ANAPC1: variants seen among roughly 807,000 people sequenced by gnomAD.
The protein encoded by ANAPC1 is anaphase promoting complex subunit 1, also known as anaphase-promoting complex subunit 1.
A neutral mutation model predicts 208.0 loss-of-function variants in ANAPC1; 36 were observed. The ratio of observed to expected loss-of-function variants is 0.17; its 90% CI spans 0.13 to 0.23. ANAPC1 has a LOEUF of 0.23. Ranked by LOEUF, ANAPC1 falls within the 10% of genes least tolerant of loss-of-function variation. The probability of loss-of-function intolerance (pLI) is 1.00; values close to 1 mark genes in which losing one functional copy is unlikely to be tolerated. For synonymous variants in ANAPC1, 378 were observed against 695.2 expected, an observed-to-expected ratio of 0.54 and a Z score of 7.18; for missense variants, 942 against 2,011.6, an observed-to-expected ratio of 0.47 and a Z score of 10.17.
intron 6 of ANAPC1, among the ~76,000 whole-genome samples, chr2:111,868,679 C>T (rs544919089): frequency 3.3e-5 from 5 of 152,052 alleles, no homozygotes; most frequent in African/African-American, 1.2e-4. Context: ...TACAGGCACA[C>T]GCCACCACGC....
At chr2:111,838,085 C>CAAAAAAAAAA (rs57089465) in intron 18 of ANAPC1, among the ~76,000 whole-genome samples, 1 of 103,508 alleles carries the variant, frequency 9.7e-6, no homozygotes, top group Non-Finnish European at 2.1e-5. Flanking sequence ...TACTCCGTCT[C>CAAAAAAAAAA]AAAAAAAAAA....
At position 111,831,826 on chromosome 2, in the gene ANAPC1, CAAAAAAA is replaced by C. The variant is rs34008628; in HGVS notation, c.2477-399_2477-393del. 2.4e-4 allele frequency among the ~76,000 whole-genome samples: 7 copies of C among 29,022 alleles called. No homozygotes were observed. The South Asian group carries it at 0.01, about 43-fold the overall frequency. 19.0% of individuals were successfully genotyped at this position (29,022 alleles called of 152,430 possible). Reference sequence around the variant, plus strand: ...TAAGAGACAGAGCGAGACTCTGTCTCAAAAAAAAAAAAAAAAAAAAGAATAACGTTTT... The same window carrying C: ...TAAGAGACAGAGCGAGACTCTGTCTCAAAAAAAAAAAAAGAATAACGTTTT... On this transcript the variant is annotated intron_variant, in intron 20 of 47. Transcript: ENST00000341068.
At chr2:111,810,307 G>GC (rs201578686) in intron 28 of ANAPC1, among the ~76,000 whole-genome samples, 1 of 149,192 alleles carries the variant, frequency 6.7e-6, no homozygotes, top group Non-Finnish European at 1.5e-5. Flanking sequence ...GAAGGTGGGG[G>GC]GGGGTGAGGT....
downstream of ANAPC1, chr2:111,766,979 T>A (rs1259182803): frequency 2.1e-6 from 1 of 470,662 alleles, no homozygotes; most frequent in East Asian, 7.0e-5. Context: ...AGTCTCCTGC[T>A]AGGTCCTTCA....
intron 13 of ANAPC1, among the ~76,000 whole-genome samples, chr2:111,853,082 A>G (rs543055294): frequency 6.6e-6 from 1 of 152,332 alleles, no homozygotes; most frequent in African/African-American, 2.4e-5. Context: ...TAAAATACTC[A>G]AGGGTGCCTT....
intron 34 of ANAPC1, among the ~76,000 whole-genome samples, chr2:111,795,961 A>AC (rs1242060415): frequency 2.7e-5 from 4 of 148,080 alleles, no homozygotes; most frequent in Non-Finnish European, 6.0e-5. Context: ...ATATTGGCCG[A>AC]ACACAGTGGC....
Position 111,873,423 on chromosome 2 carries a change from T to C in ANAPC1, c.428-15A>G, listed in dbSNP as rs1682864688. ...TTCATTGCTACCTGAAAAGAAAGGG[T>C]ACAACAAGACTTATGTGTTTTTTCC... On this transcript the variant is annotated splice_polypyrimidine_tract_variant and intron_variant, in intron 4 of 47. Coordinates refer to ENST00000341068, the MANE Select transcript of ANAPC1 (RefSeq NM_022662.4). 1 of 1,599,400 alleles carries C rather than the reference T, an allele frequency of 6.3e-7. No individual in the cohort carries two copies. Among genetic ancestry groups the C allele is most frequent in the Non-Finnish European group, 8.5e-7 (1 of 1,175,116 alleles).
At chr2:111,850,440 C>T (rs1254502184) in intron 14 of ANAPC1, among the ~76,000 whole-genome samples, 2 of 152,080 alleles carry the variant, frequency 1.3e-5, no homozygotes, top group Non-Finnish European at 2.9e-5. Flanking sequence ...TGTTATCTTC[C>T]CATCAGTCAA....
chr2:111,870,449 T>G (rs994971843), intron 6 of ANAPC1, among the ~76,000 whole-genome samples: 2 of 152,236 alleles, frequency 1.3e-5, no homozygotes, highest in Admixed American at 6.5e-5. Context: ...TGGTTTTAAT[T>G]TGTGTTTCTC....
At chr2:111,863,324 C>T (rs1206202401) in intron 9 of ANAPC1, among the ~76,000 whole-genome samples, 5 of 150,516 alleles carry the variant, frequency 3.3e-5, no homozygotes, top group African/African-American at 4.9e-5. Flanking sequence ...CTGGCTAACA[C>T]GGTGAAACCC....
At position 111,834,415 on chromosome 2, in the gene ANAPC1, A is replaced by ATAAAAATCCC. The variant is rs1474917348; in HGVS notation, c.2384+188_2384+189insGGGATTTTTA. ...CAGGACAAAGACTAAAAATCCCTGC[A>ATAAAAATCCC]TGGCTCACAGGCCCTTACAAAACCA... On this transcript the variant is annotated intron_variant, in intron 19 of 47. Coordinates refer to ENST00000341068, the MANE Select transcript of ANAPC1 (RefSeq NM_022662.4). Among the ~76,000 whole-genome samples, 1,171 of 152,158 alleles carry ATAAAAATCCC rather than the reference A, an allele frequency of 7.7e-3. 13 individuals are homozygous for ATAAAAATCCC. The highest frequency in any genetic ancestry group is 0.027 in the African/African-American group (1,104 of 41,532).
chr2:111,849,123 T>C (rs1308117412), intron 14 of ANAPC1, among the ~76,000 whole-genome samples: 1 of 152,242 alleles, frequency 6.6e-6, no homozygotes, highest in Non-Finnish European at 1.5e-5. Flanking sequence ...ATTTACTCTA[T>C]TCCAGATTCT....
intron 25 of ANAPC1, 37 bp from the exon 26 acceptor site, chr2:111,821,490 A>T: frequency 1.4e-6 from 2 of 1,416,778 alleles, no homozygotes; most frequent in Non-Finnish European, 2.0e-6. Context: ...TAATTTCAAA[A>T]GCAGTTAACA....
intron 16 of ANAPC1, among the ~76,000 whole-genome samples, chr2:111,845,976 CAAAAAA>C (rs34090398): frequency 2.0e-5 from 2 of 101,272 alleles, no homozygotes; most frequent in Admixed American, 1.2e-4. Flanking sequence ...GACTCCGTCT[CAAAAAA>C]AAAAAAAAAA....
chr2:111,883,554 C>T (rs1683437596), intron 1 of ANAPC1, among the ~76,000 whole-genome samples: 1 of 151,734 alleles, frequency 6.6e-6, no homozygotes, highest in Admixed American at 6.6e-5. Flanking sequence ...AAAAAGAGAC[C>T]CAAATGCACA....
At chr2:111,877,343 A>G (rs999991464) in intron 3 of ANAPC1, among the ~76,000 whole-genome samples, 1 of 152,152 alleles carries the variant, frequency 6.6e-6, no homozygotes, top group African/African-American at 2.4e-5. Flanking sequence ...AATGTAGAAC[A>G]GTCCCCACCT....
intron 13 of ANAPC1, among the ~76,000 whole-genome samples, chr2:111,852,675 A>G (rs995300563): frequency 9.9e-5 from 15 of 152,158 alleles, no homozygotes; most frequent in African/African-American, 3.1e-4. Flanking sequence ...CCATGACCAA[A>G]TCTGGCTCGT....
chr2:111,870,951 T>C (rs1321742349), intron 6 of ANAPC1, among the ~76,000 whole-genome samples: 1 of 145,334 alleles, frequency 6.9e-6, no homozygotes, highest in Non-Finnish European at 1.6e-5. Flanking sequence ...TAGGATGCCT[T>C]TCCCCCAATT....
At chr2:111,794,535 A>T (rs1273718710) in intron 35 of ANAPC1, among the ~76,000 whole-genome samples, 3 of 152,032 alleles carry the variant, frequency 2.0e-5, no homozygotes, top group Non-Finnish European at 4.4e-5. Flanking sequence ...CTACAGTTTC[A>T]TATGCAGCAA....
Sources: gnomAD v4.1 joint callset for allele counts (sites outside exome capture counted in the v4.1 genomes callset) on GRCh38, gnomAD v4.1.1 for gene constraint, MANE v1.5 for transcripts, NCBI Gene and HGNC (gene_info 2026-07-23, HGNC 2026-07-21) for gene names.